SEMA3A: variants seen among roughly 807,000 people sequenced by gnomAD.
The protein encoded by SEMA3A is semaphorin 3A, also known as semaphorin-3A.
SEMA3A carries 29 observed loss-of-function variants against 97.9 expected under a neutral mutation model. The observed-to-expected ratio is 0.30, with a 90% CI of 0.22 to 0.40. SEMA3A has a LOEUF of 0.40. SEMA3A is among the 10% of genes least tolerant of loss of function. The pLI is 1.00. For missense variants in SEMA3A, 763 were observed against 951.3 expected (o/e 0.80, Z 2.60); for synonymous variants, 321 against 323.7 (o/e 0.99, Z 0.09).
intron 6 of SEMA3A, among the ~76,000 whole-genome samples, chr7:84,042,748 T>G (rs1792182386): frequency 6.6e-6 from 1 of 152,018 alleles, no homozygotes; most frequent in Non-Finnish European, 1.5e-5. Flanking sequence ...CCAAATCATG[T>G]ATCATCCCAC....
At chr7:84,043,437 T>C (rs1394097675) in intron 6 of SEMA3A, among the ~76,000 whole-genome samples, 3 of 152,114 alleles carry the variant, frequency 2.0e-5, no homozygotes, top group African/African-American at 7.2e-5. Flanking sequence ...ATAGGTGAAC[T>C]GATTCTTCCA....
At chr7:84,283,033 T>A (rs933746348) in intron 3 of SEMA3A, among the ~76,000 whole-genome samples, 1 of 151,398 alleles carries the variant, frequency 6.6e-6, no homozygotes, top group African/African-American at 2.4e-5. Context: ...CATTTTTTTT[T>A]AAGTAATGAA....
chr7:84,484,396 CT>C (rs768623819), intron 1 of SEMA3A, among the ~76,000 whole-genome samples: 36 of 150,890 alleles, frequency 2.4e-4, no homozygotes, highest in African/African-American at 4.9e-4. Context: ...GTAATAAGAG[CT>C]TTTTTTTTAA....
In SEMA3A at chr7:84,172,567, A is replaced by G. The variant is rs10279577; in HGVS notation, c.112+21908T>C. On this transcript the variant is annotated intron_variant, in intron 1 of 16. Transcript: ENST00000265362. ...CTCCCGAGTAGCTGGGACTACAGGC[A>G]TCCGCCACCACGCCCGGCTCATTTT... Among the ~76,000 whole-genome samples the G allele has an allele frequency of 4.9e-3, 750 of 151,988 alleles. 3 individuals are homozygous for G. Among genetic ancestry groups the G allele is most frequent in the African/African-American group, 0.016 (677 of 41,460 alleles).
At position 84,121,716 on chromosome 7, in the gene SEMA3A, G is replaced by T. The variant is rs2115989278; in HGVS notation, c.333+7407C>A. ...TGCAGTGGCGGGATCTCGGCTCACT[G>T]CAAGCTCCGCCTCCCGGGTTCACGC... On this transcript the variant is annotated intron_variant, in intron 3 of 16. Transcript: ENST00000265362. Among the ~76,000 whole-genome samples the T allele has an allele frequency of 5.5e-5, 2 of 36,302 alleles. 1 individual carries two copies. The highest frequency in any genetic ancestry group is 1.0e-4 in the Non-Finnish European group (2 of 19,802). The allele number at this position is 36,302 out of a possible 152,430, so 23.8% of individuals were successfully genotyped here. A position where few individuals can be genotyped will look rare whatever the true frequency, so the allele number is the denominator to read the frequency against.
chr7:84,121,259 G>A (rs111290093), intron 3 of SEMA3A, among the ~76,000 whole-genome samples: 11,967 of 151,990 alleles, frequency 0.079, 832 homozygotes, highest in African/African-American at 0.19. Context: ...TGTGCACAAC[G>A]TGCAGGTTTG....
intron 1 of SEMA3A, among the ~76,000 whole-genome samples, chr7:84,398,268 T>A (rs1356734297): frequency 6.6e-6 from 1 of 152,224 alleles, no homozygotes; most frequent in Middle Eastern, 3.2e-3. Context: ...ATTGTGTGTA[T>A]GCAATTTCTC....
At chr7:84,145,785 C>T (rs970674442) in intron 1 of SEMA3A, among the ~76,000 whole-genome samples, 3 of 152,010 alleles carry the variant, frequency 2.0e-5, no homozygotes, top group African/African-American at 7.2e-5. Context: ...TTTTGGTATA[C>T]CCTTCAAGTC....
chr7:84,010,927 C>T, intron 9 of SEMA3A, 95 bp downstream of exon 9: 1 of 842,632 alleles, frequency 1.2e-6, no homozygotes, highest in Admixed American at 2.6e-5. Flanking sequence ...TAAAGCAACA[C>T]TTGCCTTTCA....
intron 3 of SEMA3A, among the ~76,000 whole-genome samples, chr7:84,270,818 T>C (rs946651047): frequency 6.6e-6 from 1 of 151,684 alleles, no homozygotes; most frequent in African/African-American, 2.4e-5. Flanking sequence ...TAACAACATT[T>C]CTAAAAATAG....
At chr7:83,987,167 G>A (rs901924080) in intron 12 of SEMA3A, among the ~76,000 whole-genome samples, 5 of 151,108 alleles carry the variant, frequency 3.3e-5, no homozygotes, top group Admixed American at 2.6e-4. Context: ...TGTCCTGTGA[G>A]TTTCTTCACA....
At position 84,110,370 on chromosome 7, in the gene SEMA3A, T is replaced by C. The variant is rs1795240142; in HGVS notation, c.453+100A>G. On this transcript the variant is annotated intron_variant, in intron 4 of 16. Coordinates refer to ENST00000265362, the MANE Select transcript of SEMA3A (RefSeq NM_006080.3). ...TGAGTTTGAAGTAGGTCCCACTGAA[T>C]AGTGAACCACAAGCAAAATAAACTG... 4 of 1,347,052 alleles carry C rather than the reference T, an allele frequency of 3.0e-6. No individual in the cohort carries two copies. In the East Asian group the frequency reaches 9.3e-5, roughly 31 times the overall value. The allele number at this position is 1,347,052 out of a possible 1,614,324, so 83.4% of individuals were successfully genotyped here.
intron 1 of SEMA3A, among the ~76,000 whole-genome samples, chr7:84,447,927 C>A (rs778463209): frequency 6.6e-6 from 1 of 152,192 alleles, no homozygotes; most frequent in Non-Finnish European, 1.5e-5. Flanking sequence ...GACACAGTTG[C>A]CCACAGCAGA....
chr7:84,268,089 T>C (rs1277808033), intron 3 of SEMA3A, among the ~76,000 whole-genome samples: 3 of 152,090 alleles, frequency 2.0e-5, no homozygotes, highest in Non-Finnish European at 4.4e-5. Context: ...AAGGGACTAA[T>C]TGAATCAAGT....
Position 83,958,966 on chromosome 7 carries a change from C to G in SEMA3A, c.*2405G>C, listed in dbSNP as rs1426293602. 6.6e-6 allele frequency: 1 copy of G among 151,996 alleles called. No homozygotes were observed. The allele number at this position is 151,996 out of a possible 1,614,324, so 9.4% of individuals were successfully genotyped here. Reference sequence around the variant, plus strand: ...AATGGGCCAATAATTCTTTTTCGTGCAAACTGCCCCCTCTCAATACACATG... The same window carrying G: ...AATGGGCCAATAATTCTTTTTCGTGGAAACTGCCCCCTCTCAATACACATG... On this transcript the variant is annotated 3_prime_UTR_variant, in exon 17 of 17. Transcript: ENST00000265362.
intron 3 of SEMA3A, among the ~76,000 whole-genome samples, chr7:84,219,177 C>T (rs1301592469): frequency 2.0e-5 from 3 of 152,074 alleles, no homozygotes; most frequent in African/African-American, 7.2e-5. Flanking sequence ...AGGACCTTTA[C>T]TAAAGATACT....
chr7:83,970,486 G>A (rs1022609381), intron 15 of SEMA3A, among the ~76,000 whole-genome samples: 1 of 152,202 alleles, frequency 6.6e-6, no homozygotes, highest in Middle Eastern at 3.4e-3. Context: ...CCCCATAAAT[G>A]TCTCGCAAGA....
At chr7:84,318,850 G>T (rs1479216773) in intron 2 of SEMA3A, among the ~76,000 whole-genome samples, 1 of 152,126 alleles carries the variant, frequency 6.6e-6, no homozygotes, top group African/African-American at 2.4e-5. Context: ...TATCACAAAT[G>T]ATATAAAGTC....
intron 3 of SEMA3A, among the ~76,000 whole-genome samples, chr7:84,305,955 CAT>C (rs780215319): frequency 7.9e-5 from 12 of 151,042 alleles, no homozygotes; most frequent in Non-Finnish European, 1.6e-4. Context: ...TTTATATATA[CAT>C]GTGTGTATAT....
Sources: gnomAD v4.1 joint callset for allele counts (sites outside exome capture counted in the v4.1 genomes callset) on GRCh38, gnomAD v4.1.1 for gene constraint, MANE v1.5 for transcripts, NCBI Gene and HGNC (gene_info 2026-07-23, HGNC 2026-07-21) for gene names.